Variants in STARD13 observed in about 807,000 individuals in gnomAD.
STARD13 encodes the protein StAR related lipid transfer domain containing 13.
Under a neutral mutation model 106.4 loss-of-function variants are expected in STARD13, and 62 were observed. That is an observed-to-expected ratio of 0.58 (90% CI 0.48 to 0.72). STARD13 has a LOEUF of 0.72. STARD13 is among the 30% of genes least tolerant of loss of function. STARD13 has a pLI of 0.00. For synonymous variants in STARD13, 565 were observed against 553.0 expected, an observed-to-expected ratio of 1.02 and a Z score of -0.31; for missense variants, 1,387 against 1,424.0, an observed-to-expected ratio of 0.97 and a Z score of 0.42.
the STARD13 span, among the ~76,000 whole-genome samples, chr13:33,658,665 G>C: frequency 6.6e-6 from 1 of 152,072 alleles, no homozygotes; most frequent in Non-Finnish European, 1.5e-5. Flanking sequence ...TTTGGTCTTC[G>C]TCCTCCTTTC....
the STARD13 span, among the ~76,000 whole-genome samples, chr13:33,611,851 A>C: frequency 6.6e-6 from 1 of 152,226 alleles, no homozygotes; most frequent in Non-Finnish European, 1.5e-5. Context: ...CAGGGCAGGA[A>C]ATTCTGGGCC....
the STARD13 span, among the ~76,000 whole-genome samples, chr13:33,566,944 C>T: frequency 6.8e-6 from 1 of 148,136 alleles, no homozygotes; most frequent in Non-Finnish European, 1.5e-5. Context: ...TCACTTCTTT[C>T]CAGTTGTCTA....
chr13:33,299,700 T>C (rs973549039), intron 1 of STARD13, among the ~76,000 whole-genome samples: 1 of 152,190 alleles, frequency 6.6e-6, no homozygotes, highest in African/African-American at 2.4e-5. Flanking sequence ...CATCGTGTTC[T>C]AAGGAGGTAG....
Position 33,182,979 on chromosome 13 carries a change from G to A in STARD13, c.170-15357C>T, listed in dbSNP as rs371019167. On this transcript the variant is annotated intron_variant, in intron 1 of 13. Transcript: ENST00000336934. ...CGGAGATCCCCAGTCCCAGGCTGCTGTTGCATATCCCACGCCTGTGCTTAC... is the reference window on the plus strand; with the variant it reads ...CGGAGATCCCCAGTCCCAGGCTGCTATTGCATATCCCACGCCTGTGCTTAC... Among the ~76,000 whole-genome samples the A allele has an allele frequency of 2.6e-4, 39 of 152,330 alleles. 1 individual carries two copies. In the South Asian group the frequency reaches 7.3e-3, roughly 28 times the overall value.
chr13:33,636,227 A>G, the STARD13 span, among the ~76,000 whole-genome samples: 33 of 151,752 alleles, frequency 2.2e-4, 1 homozygote, highest in Admixed American at 1.8e-3. Context: ...AGTATATGGT[A>G]GTAAGACTGA....
At chr13:33,145,914 G>A (rs543518713) in intron 3 of STARD13, among the ~76,000 whole-genome samples, 65 of 152,324 alleles carry the variant, frequency 4.3e-4, no homozygotes, top group African/African-American at 1.2e-3. Flanking sequence ...GCTGGGCATG[G>A]TGGCTCATGC....
Position 33,103,442 on chromosome 13 carries a change from AAGTC to A in STARD13, c.*2147_*2150del, listed in dbSNP as rs1023550453. 6 of 152,650 alleles carry A rather than the reference AAGTC, an allele frequency of 3.9e-5. No individual in the cohort carries two copies. The allele number at this position is 152,650 out of a possible 1,614,324, so 9.5% of individuals were successfully genotyped here. On this transcript the variant is annotated 3_prime_UTR_variant, in exon 14 of 14. Transcript: ENST00000336934. ...GATTACTATGTGCACAAAAACAAAA[AAGTC>A]AGATAATTCGAAGAGAGGGAGAATC...
At chr13:33,550,138 T>G in the STARD13 span, among the ~76,000 whole-genome samples, 1 of 152,188 alleles carries the variant, frequency 6.6e-6, no homozygotes, top group Admixed American at 6.5e-5. Context: ...GCAGAATCCT[T>G]ATCAAGCAGT....
the STARD13 span, among the ~76,000 whole-genome samples, chr13:33,379,674 G>T: frequency 6.6e-6 from 1 of 152,232 alleles, no homozygotes; most frequent in East Asian, 1.9e-4. Context: ...GGCCCAGGAG[G>T]TGGACAATAT....
the STARD13 span, among the ~76,000 whole-genome samples, chr13:33,492,638 C>T: frequency 8.5e-5 from 13 of 152,176 alleles, no homozygotes; most frequent in East Asian, 3.8e-4. Context: ...GCCATGACAA[C>T]GTCAGGAAGT....
intron 3 of STARD13, among the ~76,000 whole-genome samples, chr13:33,142,808 A>C (rs1880012376): frequency 6.6e-6 from 1 of 152,232 alleles, no homozygotes; most frequent in Non-Finnish European, 1.5e-5. Flanking sequence ...TAGGTAGAAA[A>C]TAACTCACAT....
At chr13:33,258,456 T>G (rs1322715725) in intron 1 of STARD13, among the ~76,000 whole-genome samples, 5 of 151,814 alleles carry the variant, frequency 3.3e-5, no homozygotes, top group Non-Finnish European at 7.4e-5. Context: ...CATGCAATCG[T>G]CAATGCTGGA....
intron 2 of STARD13, among the ~76,000 whole-genome samples, chr13:33,165,994 A>T (rs1243029023): frequency 6.6e-6 from 1 of 152,168 alleles, no homozygotes; most frequent in Non-Finnish European, 1.5e-5. Flanking sequence ...GGTCACAGGC[A>T]ATATTTAGAA....
the STARD13 span, among the ~76,000 whole-genome samples, chr13:33,380,016 A>T: frequency 6.6e-6 from 1 of 152,232 alleles, no homozygotes; most frequent in African/African-American, 2.4e-5. Flanking sequence ...TACTCTTGCG[A>T]TAAAATAAAT....
At chr13:33,218,425 G>T (rs986644726) in intron 1 of STARD13, among the ~76,000 whole-genome samples, 1 of 152,130 alleles carries the variant, frequency 6.6e-6, no homozygotes, top group East Asian at 1.9e-4. Context: ...GCCACCACTG[G>T]AACACTCTGC....
chr13:33,640,953 T>C, the STARD13 span, among the ~76,000 whole-genome samples: 1 of 152,228 alleles, frequency 6.6e-6, no homozygotes, highest in Non-Finnish European at 1.5e-5. Flanking sequence ...TTAATGTGTA[T>C]ACACAGGAGC....
chr13:33,534,327 T>C, the STARD13 span, among the ~76,000 whole-genome samples: 8 of 152,202 alleles, frequency 5.3e-5, no homozygotes, highest in African/African-American at 1.7e-4. Context: ...GAGAGCCACA[T>C]GAACTAACTG....
At chr13:33,360,406 G>A in the STARD13 span, among the ~76,000 whole-genome samples, 2 of 151,704 alleles carry the variant, frequency 1.3e-5, no homozygotes, top group Non-Finnish European at 2.9e-5. Context: ...GGGTTTCACC[G>A]TGTTAGCCAG....
intron 1 of STARD13, chr13:33,277,421 C>T (rs1891503595): frequency 6.6e-6 from 1 of 152,144 alleles, no homozygotes; most frequent in Admixed American, 6.6e-5. Context: ...ACTTCATTCA[C>T]TTCTTTCTGT....
Sources: allele counts gnomAD v4.1 joint callset (sites outside exome capture counted in the v4.1 genomes callset), GRCh38; gene constraint gnomAD v4.1.1; transcripts MANE v1.5; gene names NCBI Gene and HGNC (gene_info 2026-07-23, HGNC 2026-07-21).